Variants in DMD observed in about 807,000 individuals in gnomAD.
The protein encoded by DMD is dystrophin.
A neutral mutation model predicts 330.1 loss-of-function variants in DMD; 63 were observed. The ratio of observed to expected loss-of-function variants is 0.19; its 90% confidence interval spans 0.16 to 0.24. The LOEUF is 0.24. Ranked by LOEUF, DMD falls within the 10% of genes least tolerant of loss-of-function variation. The pLI, the probability that DMD is intolerant of heterozygous loss-of-function variation, is 1.00. For missense variants in DMD, 3,344 were observed against 2,684.1 expected, an observed-to-expected ratio of 1.25 and a Z score of -5.43; for synonymous variants, 1,223 against 959.8, an observed-to-expected ratio of 1.27 and a Z score of -5.07.
chrX:31,576,281 G>T (rs2076093594), intron 55 of DMD, among the ~76,000 whole-genome samples: 1 of 111,435 alleles, frequency 9.0e-6, no homozygotes, highest in Non-Finnish European at 1.9e-5. Flanking sequence ...TCTTATGGTA[G>T]GCAAGTATGT....
intron 1 of DMD, among the ~76,000 whole-genome samples, chrX:33,224,378 T>G (rs755636405): frequency 8.9e-6 from 1 of 111,869 alleles, no homozygotes; most frequent in East Asian, 2.8e-4. Flanking sequence ...ACATTCAGAC[T>G]ATAGATGCTA....
chrX:32,646,804 A>G (rs773392032), intron 9 of DMD, among the ~76,000 whole-genome samples: 6 of 111,854 alleles, frequency 5.4e-5, no homozygotes, highest in Non-Finnish European at 9.4e-5. Context: ...TCATCAAATG[A>G]TGCACTCTTT....
intron 52 of DMD, among the ~76,000 whole-genome samples, chrX:31,721,686 C>A (rs1189292859): frequency 1.5e-4 from 2 of 13,444 alleles, no homozygotes; most frequent in African/African-American, 1.3e-3. Flanking sequence ...CTCTCTCTCA[C>A]TCTCTCTCTC....
At chrX:31,731,716 T>G (rs963479837) in intron 51 of DMD, among the ~76,000 whole-genome samples, 1 of 111,884 alleles carries the variant, frequency 8.9e-6, no homozygotes, top group African/African-American at 3.2e-5. Flanking sequence ...TTGGAAATTT[T>G]TATATAACAA....
At chrX:32,949,480 T>C (rs935640960) in intron 2 of DMD, among the ~76,000 whole-genome samples, 11 of 110,533 alleles carry the variant, frequency 1.0e-4, no homozygotes, top group Non-Finnish European at 1.3e-4. Context: ...AGGAGAATTA[T>C]TAAGAAATAG....
chrX:32,710,591 G>C (rs2147774859), intron 7 of DMD, among the ~76,000 whole-genome samples: 1 of 111,026 alleles, frequency 9.0e-6, no homozygotes, highest in African/African-American at 3.3e-5. Flanking sequence ...TTTATTCATT[G>C]TTCTAAACTT....
chrX:32,056,390 TAAAAA>T (rs34726053), intron 44 of DMD, among the ~76,000 whole-genome samples: 2 of 47,572 alleles, frequency 4.2e-5, no homozygotes, highest in Non-Finnish European at 8.4e-5. Flanking sequence ...GTAGATTAAG[TAAAAA>T]AAAAAAAAAA....
At chrX:32,082,841 G>T (rs1259919801) in intron 44 of DMD, among the ~76,000 whole-genome samples, 1 of 111,833 alleles carries the variant, frequency 8.9e-6, no homozygotes. Flanking sequence ...CATGTGTGAT[G>T]AAAGCTTCAG....
chrX:32,894,560 C>A (rs961645134), intron 2 of DMD, among the ~76,000 whole-genome samples: 1 of 112,607 alleles, frequency 8.9e-6, no homozygotes, highest in African/African-American at 3.2e-5. Flanking sequence ...CAACCTTCAT[C>A]CAACCCAAAA....
chrX:33,069,208 T>G (rs980779463), intron 1 of DMD, among the ~76,000 whole-genome samples: 2 of 111,282 alleles, frequency 1.8e-5, no homozygotes, highest in Non-Finnish European at 3.8e-5. Context: ...TCTATTTCTA[T>G]AGCTTCTTGT....
At chrX:31,784,491 A>G (rs1219131565) in intron 50 of DMD, among the ~76,000 whole-genome samples, 2 of 112,098 alleles carry the variant, frequency 1.8e-5, no homozygotes, top group Non-Finnish European at 3.8e-5. Context: ...CTCAAAAAAT[A>G]AAAATAGAAT....
chrX:32,658,204 C>CAA (rs1050116231), intron 9 of DMD, among the ~76,000 whole-genome samples: 2 of 111,089 alleles, frequency 1.8e-5, no homozygotes, highest in African/African-American at 6.5e-5. Context: ...GCTATGTACT[C>CAA]ATTTATTCCA....
intron 29 of DMD, among the ~76,000 whole-genome samples, chrX:32,434,764 A>G (rs1358314559): frequency 8.9e-6 from 1 of 112,124 alleles, no homozygotes; most frequent in Non-Finnish European, 1.9e-5. Context: ...GCAAAGCCTG[A>G]GAAATACAAA....
intron 9 of DMD, among the ~76,000 whole-genome samples, chrX:32,661,561 G>T (rs2060949975): frequency 9.0e-6 from 1 of 111,130 alleles, no homozygotes; most frequent in Non-Finnish European, 1.9e-5. Flanking sequence ...GAGATAGCTA[G>T]ATTTATAAAA....
At chrX:31,764,504 A>G (rs969728984) in intron 51 of DMD, among the ~76,000 whole-genome samples, 2 of 111,653 alleles carry the variant, frequency 1.8e-5, no homozygotes, top group Non-Finnish European at 3.8e-5. Flanking sequence ...CTTCTTTCAC[A>G]TTTAGGGAAA....
At chrX:32,218,693 T>C (rs1277884594) in intron 43 of DMD, among the ~76,000 whole-genome samples, 2 of 111,988 alleles carry the variant, frequency 1.8e-5, no homozygotes, top group South Asian at 3.7e-4. Flanking sequence ...CATCATTTCA[T>C]TGACACCTAC....
At chrX:31,616,355 C>G (rs1339462230) in intron 55 of DMD, among the ~76,000 whole-genome samples, 1 of 111,475 alleles carries the variant, frequency 9.0e-6, no homozygotes, top group Non-Finnish European at 1.9e-5. Context: ...AGACAAAAAA[C>G]AAGATCATCG....
intron 44 of DMD, among the ~76,000 whole-genome samples, chrX:31,983,942 T>C (rs922796887): frequency 6.3e-5 from 7 of 111,498 alleles, no homozygotes; most frequent in African/African-American, 2.3e-4. Context: ...CAGATTGTTA[T>C]CACATTTCAG....
intron 12 of DMD, among the ~76,000 whole-genome samples, chrX:32,598,041 G>A (rs781744665): frequency 1.8e-5 from 2 of 111,984 alleles, no homozygotes; most frequent in East Asian, 2.8e-4. Context: ...AGGTGGAAGG[G>A]AACTTATTAG....
Sources: gnomAD v4.1 joint callset for allele counts (sites outside exome capture counted in the v4.1 genomes callset) on GRCh38, gnomAD v4.1.1 for gene constraint, MANE v1.5 for transcripts, NCBI Gene and HGNC (gene_info 2026-07-23, HGNC 2026-07-21) for gene names.